The following WWC2 variants were observed in gnomAD, a reference collection of about 807,000 sequenced individuals.
The protein encoded by WWC2 is WW and C2 domain containing 2.
Under a neutral mutation model 138.5 loss-of-function variants are expected in WWC2, and 101 were observed. That is an observed-to-expected ratio of 0.73 (90% confidence interval 0.62 to 0.86). The LOEUF (loss-of-function observed/expected upper bound fraction) is 0.86. WWC2 is among the 40% of genes least tolerant of loss of function. The pLI is 0.00. For missense variants in WWC2, 1,420 were observed against 1,419.4 expected, an observed-to-expected ratio of 1.00 and a Z score of -0.01; for synonymous variants, 558 against 538.4, an observed-to-expected ratio of 1.04 and a Z score of -0.50.
At chr4:183,164,293 TATATATACA>T (rs1734049654) in intron 1 of WWC2, among the ~76,000 whole-genome samples, 1 of 398 alleles carries the variant, frequency 2.5e-3, no homozygotes, top group African/African-American at 4.1e-3. Context: ...TATATATATA[TATATATACA>T]TATATATATT....
intron 14 of WWC2, among the ~76,000 whole-genome samples, chr4:183,267,338 C>T (rs1472096492): frequency 1.3e-5 from 2 of 152,126 alleles, no homozygotes; most frequent in African/African-American, 4.8e-5. Context: ...GAGCCTGCTT[C>T]CCAAATGCGA....
chr4:183,273,847 A>G (rs886938008), intron 16 of WWC2, among the ~76,000 whole-genome samples: 7 of 152,168 alleles, frequency 4.6e-5, no homozygotes, highest in Non-Finnish European at 1.0e-4. Flanking sequence ...AATATCACAA[A>G]TATTTATTCC....
chr4:183,125,003 A>T (rs17074417), intron 1 of WWC2, among the ~76,000 whole-genome samples: 1 of 152,156 alleles, frequency 6.6e-6, no homozygotes, highest in African/African-American at 2.4e-5. Flanking sequence ...AGCAGGAAGC[A>T]TTCCCAGTGC....
intron 1 of WWC2, among the ~76,000 whole-genome samples, chr4:183,131,962 T>C (rs535350972): frequency 6.6e-6 from 1 of 152,218 alleles, no homozygotes; most frequent in East Asian, 1.9e-4. Flanking sequence ...ATGATGCCTC[T>C]TCCACACCAG....
rs551957294 is a variant in WWC2, at chr4:183,240,648, A to T, written c.602+386A>T. 9 of 158,548 alleles carry T rather than the reference A, an allele frequency of 5.7e-5. No individual in the cohort carries two copies. In the South Asian group the frequency reaches 1.6e-3, roughly 28 times the overall value. 9.8% of individuals were successfully genotyped at this position (158,548 alleles called of 1,614,324 possible). The stretch of plus-strand genomic sequence containing the variant: ...GTACTTGACCCCTGTGTGAGCCTGC[A>T]GCTGCCCTGGGCCCTTGGGTGGAGG... On this transcript the variant is annotated intron_variant, in intron 5 of 22. Transcript: ENST00000403733.
chr4:183,299,732 A>G (rs1738762613), intron 21 of WWC2, among the ~76,000 whole-genome samples: 1 of 152,164 alleles, frequency 6.6e-6, no homozygotes, highest in Admixed American at 6.5e-5. Context: ...TAACTCTGCC[A>G]CACTCACACA....
chr4:183,226,128 G>A (rs562549453), intron 4 of WWC2, among the ~76,000 whole-genome samples: 5 of 139,900 alleles, frequency 3.6e-5, no homozygotes, highest in African/African-American at 5.4e-5. Flanking sequence ...ACAGGGTCTC[G>A]GCTCTGTCAT....
In WWC2 at chr4:183,317,291, T is replaced by G. The variant is rs1400490371; in HGVS notation, c.*1562T>G. On this transcript the variant is annotated 3_prime_UTR_variant, in exon 23 of 23. Transcript: ENST00000403733. Reference sequence around the variant, plus strand: ...AAGTTCATGTTATTGGAATTGAAGTTCAAATTAAGCAACTTCTGAGCCTAG... The same window carrying G: ...AAGTTCATGTTATTGGAATTGAAGTGCAAATTAAGCAACTTCTGAGCCTAG... 2.0e-5 allele frequency: 3 copies of G among 152,232 alleles called. No homozygotes were observed. The highest frequency in any genetic ancestry group is 4.4e-5 in the Non-Finnish European group (3 of 68,040). 9.4% of individuals were successfully genotyped at this position (152,232 alleles called of 1,614,324 possible).
chr4:183,198,299 A>C (rs1369742910), intron 2 of WWC2, among the ~76,000 whole-genome samples: 1 of 152,220 alleles, frequency 6.6e-6, no homozygotes, highest in Non-Finnish European at 1.5e-5. Flanking sequence ...TACAACCCAG[A>C]GTTAACTAAG....
intron 16 of WWC2, among the ~76,000 whole-genome samples, chr4:183,274,081 A>G (rs992069643): frequency 2.0e-5 from 3 of 152,232 alleles, no homozygotes; most frequent in African/African-American, 7.2e-5. Context: ...ATTAATCCAC[A>G]TGTCTGTACT....
chr4:183,192,543 G>GA (rs1476306930), intron 1 of WWC2, among the ~76,000 whole-genome samples: 1 of 152,066 alleles, frequency 6.6e-6, no homozygotes, highest in Non-Finnish European at 1.5e-5. Context: ...AGCAGGCCTG[G>GA]AAAAAAAGAA....
chr4:183,174,626 T>C (rs1734403355), intron 1 of WWC2, among the ~76,000 whole-genome samples: 1 of 152,234 alleles, frequency 6.6e-6, no homozygotes, highest in Non-Finnish European at 1.5e-5. Context: ...GGAAGTTCTT[T>C]AATAATGAAT....
At chr4:183,307,119 A>T (rs1739048822) in intron 21 of WWC2, among the ~76,000 whole-genome samples, 2 of 152,242 alleles carry the variant, frequency 1.3e-5, no homozygotes, top group South Asian at 2.1e-4. Context: ...AGGCCATAAG[A>T]TACATATTTA....
At chr4:183,223,478 T>A (rs1303139539) in intron 4 of WWC2, among the ~76,000 whole-genome samples, 1 of 152,236 alleles carries the variant, frequency 6.6e-6, no homozygotes, top group Non-Finnish European at 1.5e-5. Context: ...CTTGAAATAG[T>A]GTATCATTCA....
At chr4:183,139,712 G>T (rs1733233161) in intron 1 of WWC2, among the ~76,000 whole-genome samples, 1 of 152,192 alleles carries the variant, frequency 6.6e-6, no homozygotes, top group Non-Finnish European at 1.5e-5. Flanking sequence ...AGTTTATTAT[G>T]CTGTAAGTAC....
chr4:183,203,843 C>T (rs1735368129), intron 2 of WWC2, among the ~76,000 whole-genome samples: 1 of 152,088 alleles, frequency 6.6e-6, no homozygotes, highest in Non-Finnish European at 1.5e-5. Flanking sequence ...GCGATTCTTC[C>T]TCTCATTTCT....
chr4:183,201,944 T>C (rs1412766940), intron 2 of WWC2, among the ~76,000 whole-genome samples: 3 of 152,070 alleles, frequency 2.0e-5, no homozygotes, highest in Non-Finnish European at 4.4e-5. Flanking sequence ...GAAGTTTTAT[T>C]ATAGTTCTCA....
At chr4:183,196,655 G>T (rs1735150976) in intron 2 of WWC2, among the ~76,000 whole-genome samples, 2 of 152,106 alleles carry the variant, frequency 1.3e-5, no homozygotes, top group Non-Finnish European at 2.9e-5. Flanking sequence ...GCCCTGCCTG[G>T]CACTGGAGGC....
chr4:183,185,046 T>C (rs1734749396), intron 1 of WWC2, among the ~76,000 whole-genome samples: 1 of 152,174 alleles, frequency 6.6e-6, no homozygotes, highest in African/African-American at 2.4e-5. Context: ...TTTTAAACAA[T>C]AGCACTCAAG....
Sources: allele counts gnomAD v4.1 joint callset (sites outside exome capture counted in the v4.1 genomes callset), GRCh38; gene constraint gnomAD v4.1.1; transcripts MANE v1.5; gene names NCBI Gene and HGNC (gene_info 2026-07-23, HGNC 2026-07-21).